The following SPTBN4 variants were observed in gnomAD, a reference collection of about 807,000 sequenced individuals.
SPTBN4 encodes the protein spectrin beta chain, non-erythrocytic 4.
Under a neutral mutation model 277.8 loss-of-function variants are expected in SPTBN4, and 96 were observed. The ratio of observed to expected loss-of-function variants is 0.35; its 90% confidence interval spans 0.29 to 0.41. The LOEUF is 0.41. Among genes scored for constraint, SPTBN4 ranks in the 10% least tolerant of loss-of-function variants. The probability of loss-of-function intolerance (pLI) is 1.00; values close to 1 mark genes in which losing one functional copy is unlikely to be tolerated. For missense variants in SPTBN4, 3,006 were observed against 3,595.7 expected (o/e 0.84, Z 4.19); for synonymous variants, 1,481 against 1,580.3 (o/e 0.94, Z 1.49).
At position 40,490,286 on chromosome 19, in the gene SPTBN4, G is replaced by A. The variant is rs781693731; in HGVS notation, c.495+38G>A. 6.3e-7 allele frequency: 1 copy of A among 1,589,208 alleles called. No homozygotes were observed. Among genetic ancestry groups the A allele is most frequent in the Non-Finnish European group, 8.6e-7 (1 of 1,165,746 alleles). On this transcript the variant is annotated intron_variant, in intron 4 of 35. Transcript: ENST00000598249. This position sits in a 1 kb window ranked among gnomAD's most constrained non-coding sequence, Gnocchi z 4.3. Reference sequence around the variant, plus strand: ...TGGCCCCTGCCAAGCCCCGCAACATGGGACTTAGGAAAGCGTTCCCCACCA... The same window carrying A: ...TGGCCCCTGCCAAGCCCCGCAACATAGGACTTAGGAAAGCGTTCCCCACCA...
chr19:40,477,821 G>A (rs2079965820), intron 2 of SPTBN4, among the ~76,000 whole-genome samples: 1 of 152,126 alleles, frequency 6.6e-6, no homozygotes, highest in Admixed American at 6.6e-5. Context: ...ATGATGATGG[G>A]AGAGGAGCCA....
chr19:40,490,236 C>T lies in SPTBN4; in HGVS notation c.483C>T (p.Ile161=). Residue 161 remains isoleucine (I), a synonymous_variant, in exon 4 of 36, where the codon ATC becomes ATT. Coordinates refer to ENST00000598249, the MANE Select transcript of SPTBN4 (RefSeq NM_020971.3). The surrounding 1 kb of genome is among the most constrained non-coding windows in gnomAD (Gnocchi z 4.3). ...CGCTGGGGCTGGTCTGGACCATCAT[C>T]CTGCGCTTCCAGGTGACCCTCGAGT... is the stretch of plus-strand genomic sequence containing the variant. ...RLTLGLVWTI[I]LRFQIQVIKI... The T allele has an allele frequency of 6.2e-7, 1 of 1,613,644 alleles. No individual in the cohort carries two copies.
Position 40,472,603 on chromosome 19 carries a change from C to T in SPTBN4, c.-15-4C>T. 1 of 1,603,736 alleles carries T rather than the reference C, an allele frequency of 6.2e-7. No individual in the cohort carries two copies. Among genetic ancestry groups the T allele is most frequent in the Non-Finnish European group, 8.5e-7 (1 of 1,173,292 alleles). ...AGACCTAACCTACCTCTCCCTATGTCCAGGCCTCACCTTCCCCGATGGCGC... is the reference window on the plus strand; with the variant it reads ...AGACCTAACCTACCTCTCCCTATGTTCAGGCCTCACCTTCCCCGATGGCGC... On this transcript the variant is annotated splice_region_variant and splice_polypyrimidine_tract_variant and intron_variant, in intron 1 of 35. Transcript: ENST00000598249.
At chr19:40,538,127 G>A (rs991709073) in intron 20 of SPTBN4, among the ~76,000 whole-genome samples, 2 of 152,240 alleles carry the variant, frequency 1.3e-5, no homozygotes, top group South Asian at 2.1e-4. Context: ...AGTGGCTCAC[G>A]CCTGTAATCC....
rs1052091807 is a variant in SPTBN4, at chr19:40,569,602, T to C, written c.6957-55T>C. On this transcript the variant is annotated intron_variant, in intron 31 of 35. Coordinates refer to ENST00000598249, the MANE Select transcript of SPTBN4 (RefSeq NM_020971.3). ...AGGCTCCTCTGCCCAGCCAGACAGG[T>C]CCATGGGAGAAGGAACCCTGGTTTC... 24 of 1,588,190 alleles carry C rather than the reference T, an allele frequency of 1.5e-5. No individual in the cohort carries two copies. The African/African-American group carries it at 2.8e-4, about 19-fold the overall frequency.
At chr19:40,575,370 C>G (rs2145967984) in intron 35 of SPTBN4, 41 bp from the exon 36 acceptor site, 1 of 1,590,078 alleles carries the variant, frequency 6.3e-7, no homozygotes, top group Non-Finnish European at 8.6e-7. Flanking sequence ...TCCAGCTTCT[C>G]TCTTCCAAAT....
At position 40,568,269 on chromosome 19, in the gene SPTBN4, G is replaced by T; in HGVS notation, c.6943G>T (p.Asp2315Tyr). 1 of 1,605,632 alleles carries T rather than the reference G, an allele frequency of 6.2e-7. No homozygotes were observed. Among genetic ancestry groups the T allele is most frequent in the Non-Finnish European group, 8.5e-7 (1 of 1,176,376 alleles). Residue 2315 changes from aspartate to tyrosine, a missense_variant, in exon 31 of 36, where the codon GAC becomes TAC. By Grantham distance (160) the Asp-to-Tyr change is radical. Transcript: ENST00000598249. The part of the protein sequence containing the change: ...SSEQEMPIRG[D>Y]LVKGKATLAD... ...CGAACAGGAGATGCCCATCAGAGGA[G>T]ACCTGGTCAAGGGGTGAGGTGCCCG...
rs138071058 is a variant in SPTBN4, at chr19:40,571,257, T to C, written c.7319+529T>C. ...GTGGGTCTACCCTTGAAGTTTCAAA[T>C]TGGGGGAGGGTCCGAAAACGGGCAG... On this transcript the variant is annotated intron_variant, in intron 33 of 35. Transcript: ENST00000598249. 1.9e-3 allele frequency among the ~76,000 whole-genome samples: 287 copies of C among 152,158 alleles called. 2 individuals carry two copies. The highest frequency in any genetic ancestry group is 6.5e-3 in the African/African-American group (269 of 41,516).
intron 13 of SPTBN4, among the ~76,000 whole-genome samples, chr19:40,511,985 G>GTGGTGGC (rs2080395842): frequency 6.6e-6 from 1 of 152,074 alleles, no homozygotes; most frequent in African/African-American, 2.4e-5. Context: ...TGAGCCAGGC[G>GTGGTGGC]TGGTGGCGGG....
At chr19:40,500,722 C>G (rs1599735795) in intron 7 of SPTBN4, among the ~76,000 whole-genome samples, 1 of 152,022 alleles carries the variant, frequency 6.6e-6, no homozygotes, top group East Asian at 1.9e-4. Context: ...TGGTGTGTGC[C>G]TGTAATCTCA....
intron 18 of SPTBN4, 67 bp downstream of exon 18, chr19:40,529,198 C>A: frequency 4.6e-6 from 6 of 1,313,034 alleles, no homozygotes; most frequent in Non-Finnish European, 6.6e-6. Flanking sequence ...GCTTCTCGGC[C>A]GAGGTGGGGG....
At chr19:40,501,895 G>C (rs367969538) in intron 7 of SPTBN4, 26 bp from the exon 8 acceptor site, 48 of 1,604,120 alleles carry the variant, frequency 3.0e-5, no homozygotes, top group Non-Finnish European at 4.1e-5. Flanking sequence ...CCACTGTCTT[G>C]TTTCCCCACT....
Position 40,554,635 on chromosome 19 carries a change from G to C in SPTBN4, c.5073G>C (p.Gly1691=). The part of the protein sequence containing the change: ...SRQCRALLEM[G]HPDSEQISRR... The stretch of plus-strand genomic sequence containing the variant: ...AGTGCCGGGCGCTGCTGGAGATGGG[G>C]CACCCGGACAGGTGGGCGGGCGCGT... The change falls in exon 24 of 36, where the codon GGG becomes GGC. Residue 1691 remains glycine (G), a synonymous_variant. Transcript: ENST00000598249. The surrounding 1 kb of genome is among the most constrained non-coding windows in gnomAD (Gnocchi z 5.7). 6.3e-7 allele frequency: 1 copy of C among 1,587,990 alleles called. No individual in the cohort carries two copies. The highest frequency in any genetic ancestry group is 8.6e-7 in the Non-Finnish European group (1 of 1,166,670).
chr19:40,495,790 C>G (rs1455713517), intron 6 of SPTBN4, among the ~76,000 whole-genome samples: 1 of 152,168 alleles, frequency 6.6e-6, no homozygotes, highest in Non-Finnish European at 1.5e-5. Context: ...GACACCCACA[C>G]AAATTAGACA....
chr19:40,492,089 A>G (rs1235934240), intron 4 of SPTBN4, among the ~76,000 whole-genome samples: 2 of 152,092 alleles, frequency 1.3e-5, no homozygotes, highest in East Asian at 3.8e-4. Flanking sequence ...GTGTTCACCA[A>G]CATTGGGAGC....
intron 12 of SPTBN4, among the ~76,000 whole-genome samples, chr19:40,505,252 G>C (rs1002404980): frequency 6.7e-6 from 1 of 150,320 alleles, no homozygotes; most frequent in Admixed American, 6.7e-5. Context: ...TTAGCTAGGC[G>C]TGGTGGTGTG....
At chr19:40,534,576 C>T (rs2080714157) in intron 20 of SPTBN4, 1 of 561,142 alleles carries the variant, frequency 1.8e-6, no homozygotes, top group Non-Finnish European at 3.1e-6. Flanking sequence ...TCTAGAGCCA[C>T]AAAGCAGTAG....
At chr19:40,503,583 G>C (rs1164593232) in intron 11 of SPTBN4, among the ~76,000 whole-genome samples, 1 of 144,690 alleles carries the variant, frequency 6.9e-6, no homozygotes, top group Non-Finnish European at 1.5e-5. Flanking sequence ...GGCAACAGGG[G>C]ATGGGGGGTT....
intron 5 of SPTBN4, 112 bp from the exon 6 acceptor site, chr19:40,494,785 C>A: frequency 1.1e-6 from 1 of 883,570 alleles, no homozygotes; most frequent in Non-Finnish European, 1.8e-6. Flanking sequence ...TATGTTCTAC[C>A]CCCTCTCTCT....
Sources: allele counts gnomAD v4.1 joint callset (sites outside exome capture counted in the v4.1 genomes callset), GRCh38; gene constraint gnomAD v4.1.1; non-coding constraint Gnocchi (gnomAD v3.1); transcripts MANE v1.5; gene names NCBI Gene and HGNC (gene_info 2026-07-23, HGNC 2026-07-21).